Variants in SHANK2 observed in about 807,000 individuals in gnomAD.
SHANK2 encodes SH3 and multiple ankyrin repeat domains 2.
A neutral mutation model predicts 133.7 loss-of-function variants in SHANK2; 43 were observed. The observed-to-expected ratio is 0.32, with a 90% CI of 0.25 to 0.41. The LOEUF (loss-of-function observed/expected upper bound fraction) is 0.41. Among genes scored for constraint, SHANK2 ranks in the 10% least tolerant of loss-of-function variants. SHANK2 has a pLI of 1.00. For synonymous variants in SHANK2, 1,017 were observed against 952.8 expected (o/e 1.07, Z -1.24); for missense variants, 1,994 against 2,235.8 (o/e 0.89, Z 2.18).
intron 17 of SHANK2, among the ~76,000 whole-genome samples, chr11:70,594,426 T>C (rs1424332941): frequency 6.6e-6 from 1 of 152,194 alleles, no homozygotes; most frequent in Non-Finnish European, 1.5e-5. Flanking sequence ...GCCAGCCTCC[T>C]TTCTACGTGG....
rs1189711847 is a variant in SHANK2, at chr11:70,914,920, G to GA, written c.1108-18354dup. Among the ~76,000 whole-genome samples the GA allele has an allele frequency of 1.6e-3, 224 of 138,994 alleles. 1 individual carries two copies. The highest frequency in any genetic ancestry group is 5.7e-3 in the East Asian group (27 of 4,762). The allele number at this position is 138,994 out of a possible 152,430, so 91.2% of individuals were successfully genotyped here. ...CTTAAAAAAAAAAAAAAGAAAGAAAGAAAAAAAAAAGGAAGAAAATTCAGT... is the reference window on the plus strand; with the variant it reads ...CTTAAAAAAAAAAAAAAGAAAGAAAGAAAAAAAAAAAGGAAGAAAATTCAGT... On this transcript the variant is annotated intron_variant, in intron 10 of 25. Coordinates refer to ENST00000601538, the MANE Select transcript of SHANK2 (RefSeq NM_012309.5).
At chr11:70,482,300 G>A (rs974812970) in intron 25 of SHANK2, among the ~76,000 whole-genome samples, 2 of 151,228 alleles carry the variant, frequency 1.3e-5, no homozygotes, top group African/African-American at 2.4e-5. Context: ...GTTATCGGCC[G>A]CAGGGTGACC....
At chr11:70,738,562 G>T (rs1210315357) in intron 14 of SHANK2, among the ~76,000 whole-genome samples, 2 of 152,176 alleles carry the variant, frequency 1.3e-5, no homozygotes, top group Admixed American at 6.5e-5. Flanking sequence ...GCTGCCCCAT[G>T]GTGTTCTGGT....
At chr11:70,775,359 G>T (rs1555043723) in intron 14 of SHANK2, among the ~76,000 whole-genome samples, 2 of 152,136 alleles carry the variant, frequency 1.3e-5, no homozygotes, top group African/African-American at 4.8e-5. Context: ...GGGAGGGTGA[G>T]GCAGGAGAAT....
intron 2 of SHANK2, among the ~76,000 whole-genome samples, chr11:71,152,909 G>C (rs566590664): frequency 2.6e-5 from 4 of 152,280 alleles, no homozygotes; most frequent in Admixed American, 6.5e-5. Flanking sequence ...CTCCCGGGGA[G>C]AGCCACCAGG....
chr11:70,820,615 G>A lies in SHANK2; in HGVS notation c.1242C>T (p.Pro414=). The change falls in exon 12 of 26, where the codon CCC becomes CCT. Residue 414 remains proline (P), a synonymous_variant. Coordinates refer to ENST00000601538, the MANE Select transcript of SHANK2 (RefSeq NM_012309.5). The part of the protein sequence containing the change: ...RRRPPNTLAA[P]RVLLRSNSDN... Reference sequence around the variant, plus strand: ...CACTGTTGGAGCGCAGCAGGACCCGGGGGGCGGCCAGCGTGTTGGGGGGCC... The same window carrying A: ...CACTGTTGGAGCGCAGCAGGACCCGAGGGGCGGCCAGCGTGTTGGGGGGCC... 2.8e-6 allele frequency: 2 copies of A among 714,076 alleles called. No homozygotes were observed. Among genetic ancestry groups the A allele is most frequent in the Non-Finnish European group, 5.2e-6 (2 of 382,942 alleles). 44.2% of individuals were successfully genotyped at this position (714,076 alleles called of 1,614,324 possible). A position where few individuals can be genotyped will look rare whatever the true frequency, so the allele number is the denominator to read the frequency against.
At chr11:70,789,245 G>A (rs908177580) in intron 14 of SHANK2, among the ~76,000 whole-genome samples, 9 of 152,108 alleles carry the variant, frequency 5.9e-5, no homozygotes, top group Admixed American at 2.6e-4. Context: ...GGGCAATTAC[G>A]AGGCTCAAAT....
At chr11:70,597,218 C>T (rs1383372140) in intron 17 of SHANK2, among the ~76,000 whole-genome samples, 1 of 152,120 alleles carries the variant, frequency 6.6e-6, no homozygotes, top group Non-Finnish European at 1.5e-5. Context: ...CACCCGCCGC[C>T]AGGGGAAACT....
At chr11:70,850,171 A>G (rs530087538) in intron 11 of SHANK2, among the ~76,000 whole-genome samples, 48 of 151,756 alleles carry the variant, frequency 3.2e-4, no homozygotes, top group African/African-American at 1.2e-3. Flanking sequence ...AGCCTGTATC[A>G]CAACCTCCTA....
chr11:71,190,718 G>A (rs774501015), intron 2 of SHANK2, among the ~76,000 whole-genome samples: 17 of 152,302 alleles, frequency 1.1e-4, no homozygotes, highest in Admixed American at 3.3e-4. Context: ...GCACGCAGGC[G>A]TTGAGAGGAG....
intron 25 of SHANK2, among the ~76,000 whole-genome samples, chr11:70,478,451 C>T (rs781988593): frequency 4.6e-5 from 7 of 152,224 alleles, no homozygotes; most frequent in South Asian, 2.1e-4. Flanking sequence ...GCACACCGCA[C>T]GCCTCTGCAT....
At chr11:71,165,611 A>G (rs1953128209) in intron 2 of SHANK2, among the ~76,000 whole-genome samples, 1 of 152,122 alleles carries the variant, frequency 6.6e-6, no homozygotes, top group African/African-American at 2.4e-5. Flanking sequence ...CAGCGAGATC[A>G]TTCATCCCAG....
intron 25 of SHANK2, among the ~76,000 whole-genome samples, chr11:70,480,155 C>G (rs571503221): frequency 6.6e-6 from 1 of 152,336 alleles, no homozygotes; most frequent in East Asian, 1.9e-4. Context: ...TGGCCCTGCC[C>G]AGCCCTCCTC....
At chr11:71,087,698 G>A (rs1214426458) in intron 8 of SHANK2, among the ~76,000 whole-genome samples, 9 of 152,180 alleles carry the variant, frequency 5.9e-5, no homozygotes, top group African/African-American at 1.7e-4. Flanking sequence ...GCGCAATATC[G>A]GCTCACTATA....
At chr11:70,545,434 C>T (rs1452191067) in intron 17 of SHANK2, among the ~76,000 whole-genome samples, 2 of 152,130 alleles carry the variant, frequency 1.3e-5, no homozygotes, top group African/African-American at 2.4e-5. Flanking sequence ...TGGGAGGCCC[C>T]GAGCCACCGC....
At chr11:70,909,523 G>C (rs1378862808) in intron 10 of SHANK2, among the ~76,000 whole-genome samples, 5 of 152,084 alleles carry the variant, frequency 3.3e-5, no homozygotes, top group African/African-American at 1.2e-4. Context: ...CCACCCTCAC[G>C]GCATGCCTTG....
rs1431512286 is a variant in SHANK2 at position 70,735,859 on chromosome 11, A to T, written c.1778-37096T>A. Among the ~76,000 whole-genome samples, 6 of 151,890 alleles carry T rather than the reference A, an allele frequency of 4.0e-5. No individual in the cohort carries two copies. The East Asian group carries it at 1.2e-3, about 29-fold the overall frequency. ...TCTCTCTTCAGCGTGTCCACCCTTC[A>T]GGCAGGTGGCTGCGTGGTCATGCTC... On this transcript the variant is annotated intron_variant, in intron 14 of 25. Transcript: ENST00000601538.
chr11:70,759,931 A>G (rs782001660), intron 14 of SHANK2, among the ~76,000 whole-genome samples: 6 of 152,200 alleles, frequency 3.9e-5, no homozygotes, highest in Non-Finnish European at 7.4e-5. Flanking sequence ...GAGGCATGGG[A>G]CGGATTCTAC....
intron 9 of SHANK2, among the ~76,000 whole-genome samples, chr11:71,069,457 T>C (rs1396826851): frequency 6.6e-6 from 1 of 151,980 alleles, no homozygotes; most frequent in Admixed American, 6.6e-5. Flanking sequence ...ACCACCACCA[T>C]CGCCAGCCTC....
Sources: allele counts gnomAD v4.1 joint callset (sites outside exome capture counted in the v4.1 genomes callset), GRCh38; gene constraint gnomAD v4.1.1; transcripts MANE v1.5; gene names NCBI Gene and HGNC (gene_info 2026-07-23, HGNC 2026-07-21).